Variants in CCDC126 observed in about 807,000 individuals in gnomAD.
CCDC126 encodes the protein coiled-coil domain containing 126.
A neutral mutation model predicts 11.7 loss-of-function variants in CCDC126; 5 were observed. The observed-to-expected ratio is 0.43, with a 90% CI of 0.22 to 0.90. The LOEUF (loss-of-function observed/expected upper bound fraction) is 0.90, where lower values mean the gene tolerates loss of function less well. CCDC126 is among the 40% of genes least tolerant of loss of function. The pLI, the probability that CCDC126 is intolerant of heterozygous loss-of-function variation, is 0.27. For synonymous variants in CCDC126, 60 were observed against 61.9 expected, an observed-to-expected ratio of 0.97 and a Z score of 0.14; for missense variants, 150 against 163.1, an observed-to-expected ratio of 0.92 and a Z score of 0.44.
At chr7:23,630,225 G>T (rs1171186533) in intron 3 of CCDC126, among the ~76,000 whole-genome samples, 1 of 152,214 alleles carries the variant, frequency 6.6e-6, no homozygotes, top group Non-Finnish European at 1.5e-5. Flanking sequence ...GAGGCAGGGT[G>T]TGGTGGCTCT....
intron 2 of CCDC126, among the ~76,000 whole-genome samples, chr7:23,610,535 G>A (rs558448618): frequency 2.6e-5 from 4 of 152,248 alleles, no homozygotes; most frequent in East Asian, 1.9e-4. Flanking sequence ...AGTACTTGCC[G>A]TTAAATGATC....
chr7:23,637,444 C>A (rs1783251943), intron 3 of CCDC126, among the ~76,000 whole-genome samples: 1 of 89,180 alleles, frequency 1.1e-5, no homozygotes, highest in Non-Finnish European at 2.2e-5. Flanking sequence ...GGGGTCAGCC[C>A]CCCGCCCGGC....
chr7:23,626,072 C>T (rs973975867), intron 3 of CCDC126, among the ~76,000 whole-genome samples: 2 of 115,338 alleles, frequency 1.7e-5, no homozygotes, highest in African/African-American at 5.6e-5. Flanking sequence ...TAGTAAAATA[C>T]ATTTTTTATG....
chr7:23,636,099 C>T (rs1193342148), intron 3 of CCDC126, among the ~76,000 whole-genome samples: 3 of 152,234 alleles, frequency 2.0e-5, no homozygotes, highest in South Asian at 2.1e-4. Flanking sequence ...CTCCTAACCG[C>T]GAGTGATCCG....
At position 23,644,555 on chromosome 7, in the gene CCDC126, T is replaced by C. The variant is rs1413280516; in HGVS notation, c.*1440T>C. On this transcript the variant is annotated 3_prime_UTR_variant, in exon 4 of 4. Transcript: ENST00000307471. Reference sequence around the variant, plus strand: ...ACAGATTTCCAAATCTCTCTTCTCTTCTCTGTACTGTCTACCTTTATGTGA... The same window carrying C: ...ACAGATTTCCAAATCTCTCTTCTCTCCTCTGTACTGTCTACCTTTATGTGA... The C allele has an allele frequency of 6.6e-6, 1 of 152,570 alleles. No homozygotes were observed. Among genetic ancestry groups the C allele is most frequent in the African/African-American group, 2.4e-5 (1 of 41,466 alleles). 9.5% of individuals were successfully genotyped at this position (152,570 alleles called of 1,614,324 possible).
At chr7:23,633,272 G>A (rs1309524303) in intron 3 of CCDC126, among the ~76,000 whole-genome samples, 5 of 152,192 alleles carry the variant, frequency 3.3e-5, no homozygotes, top group Non-Finnish European at 7.3e-5. Flanking sequence ...GATTACAGGC[G>A]TGAGCCACTG....
intron 2 of CCDC126, chr7:23,602,335 C>T (rs1782558294): frequency 6.6e-6 from 1 of 152,184 alleles, no homozygotes; most frequent in Admixed American, 6.5e-5. Flanking sequence ...CAGATTGCTA[C>T]CTAGACCTTA....
At chr7:23,637,489 A>G (rs1584218816) in intron 3 of CCDC126, among the ~76,000 whole-genome samples, 1 of 80,328 alleles carries the variant, frequency 1.2e-5, no homozygotes, top group African/African-American at 4.9e-5. Context: ...TGGGGGGGTC[A>G]GCCCCCCGCC....
Position 23,627,028 on chromosome 7 carries a change from G to A in CCDC126, c.238+15475G>A, listed in dbSNP as rs146014322. On this transcript the variant is annotated intron_variant, in intron 3 of 3. Coordinates refer to ENST00000307471, the MANE Select transcript of CCDC126 (RefSeq NM_138771.4). ...GATTCTGTGATTTGCCTAGAACAAT[G>A]AATTGGGAATACTTGCTCCAGCTTC... Among the ~76,000 whole-genome samples, 404 of 152,260 alleles carry A rather than the reference G, an allele frequency of 2.7e-3. 3 individuals carry two copies. The highest frequency in any genetic ancestry group is 7.8e-3 in the African/African-American group (325 of 41,550).
chr7:23,636,886 T>C (rs1411313837), intron 3 of CCDC126, among the ~76,000 whole-genome samples: 92 of 89,070 alleles, frequency 1.0e-3, no homozygotes, highest in African/African-American at 4.3e-3. Context: ...AGTCGCCCCG[T>C]CCAGGAGGGA....
chr7:23,615,138 A>G (rs979388270), intron 3 of CCDC126, among the ~76,000 whole-genome samples: 7 of 152,226 alleles, frequency 4.6e-5, no homozygotes, highest in Admixed American at 3.3e-4. Flanking sequence ...GTTACTTAGT[A>G]TAGCCACCTT....
chr7:23,625,780 C>T (rs943921984), intron 3 of CCDC126, among the ~76,000 whole-genome samples: 6 of 151,294 alleles, frequency 4.0e-5, no homozygotes, highest in African/African-American at 1.5e-4. Flanking sequence ...CTCAGCCTCC[C>T]GAGTAGCTGG....
intron 3 of CCDC126, among the ~76,000 whole-genome samples, chr7:23,637,209 G>T (rs1291613255): frequency 1.7e-5 from 1 of 59,380 alleles, no homozygotes; most frequent in African/African-American, 6.9e-5. Flanking sequence ...GAGGTGGGGG[G>T]GTCAGCCCCC....
At chr7:23,622,861 A>C in intron 3 of CCDC126, 2 of 397,250 alleles carry the variant, frequency 5.0e-6, no homozygotes, top group South Asian at 4.2e-5. Flanking sequence ...CCTTTCTGCA[A>C]CCAATGTTCT....
chr7:23,643,730 A>T lies in CCDC126; in HGVS notation c.*615A>T, dbSNP rs766090373. 2.6e-5 allele frequency: 4 copies of T among 152,556 alleles called. No individual in the cohort carries two copies. The highest frequency in any genetic ancestry group is 4.8e-5 in the African/African-American group (2 of 41,464). The allele number at this position is 152,556 out of a possible 1,614,324, so 9.5% of individuals were successfully genotyped here. On this transcript the variant is annotated 3_prime_UTR_variant, in exon 4 of 4. Transcript: ENST00000307471. ...TTGTATATTTTTAAAAATTACACTTATAAGAGTATAATCTTGAAATGGGTA... is the reference window on the plus strand; with the variant it reads ...TTGTATATTTTTAAAAATTACACTTTTAAGAGTATAATCTTGAAATGGGTA...
At chr7:23,633,323 A>C (rs1783148189) in intron 3 of CCDC126, among the ~76,000 whole-genome samples, 1 of 152,128 alleles carries the variant, frequency 6.6e-6, no homozygotes, top group East Asian at 1.9e-4. Flanking sequence ...AGAAGTAATA[A>C]AGTAATTCTT....
chr7:23,632,796 A>G (rs140514319), intron 3 of CCDC126, among the ~76,000 whole-genome samples: 308 of 152,342 alleles, frequency 2.0e-3, no homozygotes, highest in African/African-American at 7.0e-3. Context: ...AGGAAAGTCA[A>G]TCTCAGAATT....
chr7:23,611,970 C>T (rs1037766870), intron 3 of CCDC126, among the ~76,000 whole-genome samples: 3 of 152,076 alleles, frequency 2.0e-5, no homozygotes, highest in East Asian at 1.9e-4. Context: ...GGTAAAACCC[C>T]GTCTCTACTG....
At chr7:23,609,689 A>G (rs1365336545) in intron 2 of CCDC126, among the ~76,000 whole-genome samples, 1 of 151,974 alleles carries the variant, frequency 6.6e-6, no homozygotes, top group East Asian at 1.9e-4. Flanking sequence ...CAACATGGCA[A>G]AAGCCCTTCT....
Sources: gnomAD v4.1 joint callset for allele counts (sites outside exome capture counted in the v4.1 genomes callset) on GRCh38, gnomAD v4.1.1 for gene constraint, MANE v1.5 for transcripts, NCBI Gene and HGNC (gene_info 2026-07-23, HGNC 2026-07-21) for gene names.